The following REDIC1 variants were observed in gnomAD, a reference collection of about 807,000 sequenced individuals.
REDIC1 encodes the protein regulator of DNA class I crossover intermediates 1.
At chr12:39,793,429 T>TA in the REDIC1 span, among the ~76,000 whole-genome samples, 8 of 152,098 alleles carry the variant, frequency 5.3e-5, no homozygotes, top group African/African-American at 1.9e-4. Context: ...GTAAGTCCAA[T>TA]AAAAATCTTA....
At chr12:39,632,246 G>A in the REDIC1 span, among the ~76,000 whole-genome samples, 9 of 151,456 alleles carry the variant, frequency 5.9e-5, no homozygotes, top group Admixed American at 1.3e-4. Context: ...ACAGGTACCC[G>A]ACCACCACGC....
chr12:39,856,971 C>T, the REDIC1 span, among the ~76,000 whole-genome samples: 4 of 152,160 alleles, frequency 2.6e-5, no homozygotes, highest in Admixed American at 1.3e-4. Flanking sequence ...CAATTGCTGT[C>T]ACAGTCCTGG....
At chr12:39,636,403 A>G in the REDIC1 span, among the ~76,000 whole-genome samples, 1 of 152,116 alleles carries the variant, frequency 6.6e-6, no homozygotes, top group Non-Finnish European at 1.5e-5. Flanking sequence ...ACATTCTAAC[A>G]TATATCATTA....
At chr12:39,845,268 T>G in the REDIC1 span, among the ~76,000 whole-genome samples, 1 of 152,098 alleles carries the variant, frequency 6.6e-6, no homozygotes, top group African/African-American at 2.4e-5. Flanking sequence ...ACTCTCTTTT[T>G]GGGACCCATT....
At chr12:39,878,753 T>C in the REDIC1 span, among the ~76,000 whole-genome samples, 1 of 152,224 alleles carries the variant, frequency 6.6e-6, no homozygotes, top group Non-Finnish European at 1.5e-5. Context: ...AAAAGCTTTT[T>C]TGGGAGAGGA....
the REDIC1 span, among the ~76,000 whole-genome samples, chr12:39,629,754 A>C: frequency 6.6e-6 from 1 of 152,202 alleles, no homozygotes; most frequent in Non-Finnish European, 1.5e-5. Flanking sequence ...GAGGGCAAAG[A>C]GATTGATCTA....
chr12:39,681,615 A>C, the REDIC1 span, among the ~76,000 whole-genome samples: 1 of 152,160 alleles, frequency 6.6e-6, no homozygotes, highest in East Asian at 1.9e-4. Flanking sequence ...TTGGTATAGC[A>C]AAATAACATC....
chr12:39,690,145 C>G, the REDIC1 span, among the ~76,000 whole-genome samples: 1 of 152,118 alleles, frequency 6.6e-6, no homozygotes, highest in Non-Finnish European at 1.5e-5. Flanking sequence ...CTGGGTTGCA[C>G]CTGCCCACAG....
At chr12:39,829,307 T>G in the REDIC1 span, 1 of 151,550 alleles carries the variant, frequency 6.6e-6, no homozygotes, top group Admixed American at 6.6e-5. Flanking sequence ...TTATCCTTAT[T>G]TTGCTTAATT....
At chr12:39,642,844 C>A in the REDIC1 span, among the ~76,000 whole-genome samples, 1 of 151,666 alleles carries the variant, frequency 6.6e-6, no homozygotes, top group African/African-American at 2.4e-5. Context: ...TGATCATTGG[C>A]AAGTCTGTTA....
At chr12:39,896,101 T>C in the REDIC1 span, among the ~76,000 whole-genome samples, 3 of 149,312 alleles carry the variant, frequency 2.0e-5, no homozygotes, top group African/African-American at 7.4e-5. Flanking sequence ...TATACACGTG[T>C]ATACATATAT....
At chr12:39,714,721 C>T in the REDIC1 span, among the ~76,000 whole-genome samples, 1 of 151,742 alleles carries the variant, frequency 6.6e-6, no homozygotes, top group Admixed American at 6.6e-5. Flanking sequence ...CCCATACCAA[C>T]ATCTACAGTT....
the REDIC1 span, among the ~76,000 whole-genome samples, chr12:39,856,274 C>T: frequency 6.6e-6 from 1 of 152,202 alleles, no homozygotes; most frequent in African/African-American, 2.4e-5. Context: ...TCCATCCATC[C>T]ATCCACCCAA....
chr12:39,892,106 G>T, the REDIC1 span, among the ~76,000 whole-genome samples: 1 of 152,148 alleles, frequency 6.6e-6, no homozygotes, highest in African/African-American at 2.4e-5. Context: ...TCATTCTACT[G>T]CAGTTTACAT....
chr12:39,679,470 A>G, the REDIC1 span, among the ~76,000 whole-genome samples: 3 of 152,334 alleles, frequency 2.0e-5, no homozygotes, highest in South Asian at 6.2e-4. Flanking sequence ...GAAAAACTAG[A>G]AACACTTCTT....
At chr12:39,856,197 CCTTCT>C in the REDIC1 span, among the ~76,000 whole-genome samples, 18 of 152,022 alleles carry the variant, frequency 1.2e-4, no homozygotes, top group African/African-American at 4.1e-4. Context: ...GCACCATCTA[CCTTCT>C]CTTATCAATA....
the REDIC1 span, among the ~76,000 whole-genome samples, chr12:39,842,039 G>T: frequency 6.6e-6 from 1 of 151,960 alleles, no homozygotes; most frequent in Non-Finnish European, 1.5e-5. Context: ...CCTTTTTACA[G>T]AAAAACCTCA....
the REDIC1 span, among the ~76,000 whole-genome samples, chr12:39,752,347 C>G: frequency 6.6e-6 from 1 of 152,108 alleles, no homozygotes; most frequent in Non-Finnish European, 1.5e-5. Context: ...CTAGGTTGTG[C>G]AGTCCTTATG....
the REDIC1 span, among the ~76,000 whole-genome samples, chr12:39,801,574 A>G: frequency 1.3e-5 from 2 of 152,236 alleles, no homozygotes; most frequent in Non-Finnish European, 1.5e-5. Flanking sequence ...CTGAATACAA[A>G]GATTATTACA....
Sources: gnomAD v4.1 joint callset for allele counts (sites outside exome capture counted in the v4.1 genomes callset) on GRCh38, gnomAD v4.1.1 for gene constraint, MANE v1.5 for transcripts, NCBI Gene and HGNC (gene_info 2026-07-23, HGNC 2026-07-21) for gene names.